Variants in C12orf56 observed in about 807,000 individuals in gnomAD.
The protein encoded by C12orf56 is chromosome 12 open reading frame 56.
C12orf56 carries 71 observed loss-of-function variants against 69.9 expected under a neutral mutation model. The ratio of observed to expected loss-of-function variants is 1.02; its 90% CI spans 0.84 to 1.24. C12orf56 has a LOEUF of 1.24. Ranked by LOEUF, C12orf56 falls within the 50% of genes most tolerant of loss-of-function variation. C12orf56 has a pLI of 0.00. For synonymous variants in C12orf56, 276 were observed against 274.1 expected (o/e 1.01, Z -0.07); for missense variants, 732 against 738.5 (o/e 0.99, Z 0.10).
At chr12:64,331,175 C>T (rs1027226741) in intron 2 of C12orf56, 143 bp from the exon 3 acceptor site, 9 of 690,838 alleles carry the variant, frequency 1.3e-5, no homozygotes, top group Admixed American at 6.4e-5. Context: ...CTGGGTAGCA[C>T]GATGGAGCAA....
At chr12:64,368,903 T>C (rs2039533050) in intron 1 of C12orf56, among the ~76,000 whole-genome samples, 2 of 152,188 alleles carry the variant, frequency 1.3e-5, no homozygotes, top group Admixed American at 6.5e-5. Flanking sequence ...AGGTCTCTTC[T>C]GCTTTGTGAA....
In C12orf56 at chr12:64,301,631, A is replaced by G. The variant is rs2038447112; in HGVS notation, c.1113+2004T>C. ...TAGATGAATGCATTTACATGTAGAC[A>G]TATAGCTTAGAAGGTATATAAGCTC... is the stretch of plus-strand genomic sequence containing the variant. On this transcript the variant is annotated intron_variant, in intron 6 of 12. Coordinates refer to ENST00000543942, the MANE Select transcript of C12orf56 (RefSeq NM_001170633.2). 4.6e-5 allele frequency among the ~76,000 whole-genome samples: 7 copies of G among 152,330 alleles called. 1 individual carries two copies. In the South Asian group the frequency reaches 1.2e-3, roughly 27 times the overall value.
chr12:64,388,061 C>T (rs1301428592), intron 1 of C12orf56, among the ~76,000 whole-genome samples: 1 of 152,044 alleles, frequency 6.6e-6, no homozygotes, highest in African/African-American at 2.4e-5. Flanking sequence ...CCTCTGTCTC[C>T]CTGGCTCAAG....
chr12:64,358,677 C>A (rs1025464117), intron 1 of C12orf56, among the ~76,000 whole-genome samples: 1 of 151,284 alleles, frequency 6.6e-6, no homozygotes, highest in African/African-American at 2.4e-5. Flanking sequence ...ACCTGTAATC[C>A]CAGCTACTCG....
intron 1 of C12orf56, among the ~76,000 whole-genome samples, chr12:64,387,352 C>T (rs1592510998): frequency 1.3e-5 from 2 of 152,132 alleles, no homozygotes; most frequent in East Asian, 3.8e-4. Flanking sequence ...ATGTTGAAAA[C>T]TTAGATTTGT....
chr12:64,284,857 T>C (rs2038179056), intron 7 of C12orf56, 104 bp from the exon 8 acceptor site: 1 of 786,674 alleles, frequency 1.3e-6, no homozygotes, highest in East Asian at 2.8e-5. Flanking sequence ...CAGATATCCA[T>C]ACAGAAAAAA....
chr12:64,318,333 G>A (rs962257867), intron 4 of C12orf56, among the ~76,000 whole-genome samples: 1 of 152,190 alleles, frequency 6.6e-6, no homozygotes, highest in Admixed American at 6.5e-5. Flanking sequence ...AAAGTGCTGG[G>A]ATTACAGGAA....
intron 1 of C12orf56, among the ~76,000 whole-genome samples, chr12:64,369,144 T>G (rs1159903907): frequency 4.3e-5 from 5 of 115,472 alleles, no homozygotes; most frequent in African/African-American, 1.6e-4. Flanking sequence ...CATAGTGAGA[T>G]CCCATCTCTC....
At chr12:64,345,248 TG>T (rs2039125093) in intron 2 of C12orf56, among the ~76,000 whole-genome samples, 1 of 152,026 alleles carries the variant, frequency 6.6e-6, no homozygotes. Flanking sequence ...TTATTTTGCC[TG>T]GCAACTGCCT....
At chr12:64,336,484 A>T (rs1056695770) in intron 2 of C12orf56, among the ~76,000 whole-genome samples, 3 of 152,194 alleles carry the variant, frequency 2.0e-5, no homozygotes, top group Non-Finnish European at 4.4e-5. Flanking sequence ...GAAGGAAAAA[A>T]AAAGCCAAGA....
intron 1 of C12orf56, among the ~76,000 whole-genome samples, chr12:64,353,926 C>T (rs2039268581): frequency 6.6e-6 from 1 of 152,216 alleles, no homozygotes; most frequent in Non-Finnish European, 1.5e-5. Flanking sequence ...GGTGATCCAC[C>T]TGCCTCGGCC....
intron 1 of C12orf56, among the ~76,000 whole-genome samples, chr12:64,371,456 C>G (rs567516711): frequency 6.6e-6 from 1 of 151,858 alleles, no homozygotes; most frequent in South Asian, 2.1e-4. Context: ...ATCAGAATAT[C>G]TTATACTATA....
intron 9 of C12orf56, among the ~76,000 whole-genome samples, chr12:64,275,914 G>A (rs2038044473): frequency 6.6e-6 from 1 of 151,842 alleles, no homozygotes; most frequent in South Asian, 2.1e-4. Flanking sequence ...CTGGCCCACA[G>A]AATACTAAGA....
At chr12:64,364,176 G>T (rs1174165538) in intron 1 of C12orf56, among the ~76,000 whole-genome samples, 3 of 152,012 alleles carry the variant, frequency 2.0e-5, no homozygotes, top group Non-Finnish European at 4.4e-5. Flanking sequence ...AGGCGGGTGT[G>T]ATGGCATGTG....
chr12:64,285,897 T>A, intron 7 of C12orf56, 57 bp downstream of exon 7: 1 of 1,159,594 alleles, frequency 8.6e-7, no homozygotes, highest in East Asian at 2.5e-5. Flanking sequence ...GTCTTCCATT[T>A]ATCTTTAACA....
rs574319987 is a variant in C12orf56 at position 64,311,291 on chromosome 12, C to T, written c.968+1388G>A. On this transcript the variant is annotated intron_variant, in intron 5 of 12. Coordinates refer to ENST00000543942, the MANE Select transcript of C12orf56 (RefSeq NM_001170633.2). ...CTCTACTAAAAATAAAAAAATTAGC[C>T]GGGCATGGCTACTCGGGAGGCTGAT... Among the ~76,000 whole-genome samples, 105 of 151,464 alleles carry T rather than the reference C, an allele frequency of 6.9e-4. 1 individual carries two copies. Among genetic ancestry groups the T allele is most frequent in the African/African-American group, 2.3e-3 (97 of 41,310 alleles).
chr12:64,280,365 A>G (rs1309541820), intron 8 of C12orf56, among the ~76,000 whole-genome samples: 1 of 152,196 alleles, frequency 6.6e-6, no homozygotes, highest in Admixed American at 6.6e-5. Flanking sequence ...TTTCTAATGT[A>G]TGAATTTTGA....
intron 1 of C12orf56, among the ~76,000 whole-genome samples, chr12:64,360,756 AGCACAG>A (rs1245484258): frequency 6.6e-6 from 1 of 152,236 alleles, no homozygotes; most frequent in Non-Finnish European, 1.5e-5. Flanking sequence ...GACCCTTTTT[AGCACAG>A]GCAATAATAT....
intron 1 of C12orf56, among the ~76,000 whole-genome samples, chr12:64,376,368 T>A (rs1365710047): frequency 6.6e-6 from 1 of 152,222 alleles, no homozygotes; most frequent in Non-Finnish European, 1.5e-5. Context: ...ATTAACAAAC[T>A]TATTTCTTGT....
Sources: gnomAD v4.1 joint callset for allele counts (sites outside exome capture counted in the v4.1 genomes callset) on GRCh38, gnomAD v4.1.1 for gene constraint, MANE v1.5 for transcripts, NCBI Gene and HGNC (gene_info 2026-07-23, HGNC 2026-07-21) for gene names.